The following MTAP variants were observed in gnomAD, a reference collection of about 807,000 sequenced individuals.
MTAP encodes the protein methylthioadenosine phosphorylase, also known as S-methyl-5'-thioadenosine phosphorylase.
A neutral mutation model predicts 33.6 loss-of-function variants in MTAP; 33 were observed. The observed-to-expected ratio is 0.98, with a 90% confidence interval of 0.74 to 1.31. The LOEUF (loss-of-function observed/expected upper bound fraction) is 1.31. MTAP is among the 40% of genes most tolerant of loss of function. MTAP has a pLI of 0.00. For synonymous variants in MTAP, 148 were observed against 125.7 expected, an observed-to-expected ratio of 1.18 and a Z score of -1.19; for missense variants, 367 against 360.0, an observed-to-expected ratio of 1.02 and a Z score of -0.16.
At chr9:21,906,363 T>C (rs1027020692) in intron 1 of MTAP, among the ~76,000 whole-genome samples, 3 of 152,020 alleles carry the variant, frequency 2.0e-5, no homozygotes, top group Non-Finnish European at 2.9e-5. Context: ...ATAAAAATCA[T>C]TGAAAGGGTT....
downstream of MTAP, chr9:21,931,793 T>C (rs1034116193): frequency 2.6e-5 from 4 of 152,234 alleles, no homozygotes; most frequent in African/African-American, 9.6e-5. Context: ...CTTTCATTCC[T>C]GCTCTAAAAC....
At chr9:21,936,055 G>A (rs1384363140), downstream of MTAP, 5 of 152,134 alleles carry the variant, frequency 3.3e-5, no homozygotes, top group Non-Finnish European at 7.3e-5. Flanking sequence ...TTTTATTTCC[G>A]AAGGCGACCA....
At chr9:21,938,881 CTA>C (rs577334045), downstream of MTAP, among the ~76,000 whole-genome samples, 529 of 152,230 alleles carry the variant, frequency 3.5e-3, 6 homozygotes, top group African/African-American at 0.012. Context: ...TTCCAGGACT[CTA>C]TTGGAAAAAC....
At chr9:21,848,723 T>A (rs1457260312) in intron 5 of MTAP, among the ~76,000 whole-genome samples, 1 of 152,178 alleles carries the variant, frequency 6.6e-6, no homozygotes, top group African/African-American at 2.4e-5. Flanking sequence ...AGCACTGGGA[T>A]CTTTGAAGAG....
intron 1 of MTAP, among the ~76,000 whole-genome samples, chr9:21,925,723 C>T (rs913836479): frequency 1.3e-5 from 2 of 150,692 alleles, no homozygotes; most frequent in African/African-American, 2.5e-5. Flanking sequence ...AATCCCAATT[C>T]CTGATGGCCT....
chr9:21,916,040 G>C (rs1384818141), intron 1 of MTAP, among the ~76,000 whole-genome samples: 2 of 131,966 alleles, frequency 1.5e-5, no homozygotes, highest in East Asian at 2.7e-4. Flanking sequence ...GAAAGACAGA[G>C]AGAAGGAGAG....
Position 21,865,284 on chromosome 9 carries a change from A to C in MTAP, c.*3270A>C. On this transcript the variant is annotated 3_prime_UTR_variant, in exon 8 of 8. Transcript: ENST00000644715. ...TTGCTCAACACTTCTTCCTGCCATC[A>C]TGTGAAGAAGGACGTGTTTGTTTCC... 1 of 441,548 alleles carries C rather than the reference A, an allele frequency of 2.3e-6. No individual in the cohort carries two copies. Among genetic ancestry groups the C allele is most frequent in the Non-Finnish European group, 3.0e-6 (1 of 333,108 alleles). The allele number at this position is 441,548 out of a possible 1,614,324, so 27.4% of individuals were successfully genotyped here. A position where few individuals can be genotyped will look rare whatever the true frequency, so the allele number is the denominator to read the frequency against.
At chr9:21,855,513 T>C (rs1470218610) in intron 6 of MTAP, among the ~76,000 whole-genome samples, 2 of 151,946 alleles carry the variant, frequency 1.3e-5, no homozygotes, top group Non-Finnish European at 2.9e-5. Context: ...AAGAAGGGCA[T>C]GATTGAGTAG....
chr9:21,906,053 C>G (rs977844681), intron 1 of MTAP, among the ~76,000 whole-genome samples: 1 of 152,064 alleles, frequency 6.6e-6, no homozygotes, highest in African/African-American at 2.4e-5. Flanking sequence ...CAGAAAGAAA[C>G]AAACAGAAGC....
intron 1 of MTAP, among the ~76,000 whole-genome samples, chr9:21,921,971 G>T (rs1337394572): frequency 6.6e-6 from 1 of 152,102 alleles, no homozygotes; most frequent in Admixed American, 6.6e-5. Flanking sequence ...CAACCATTAG[G>T]TGATGGTCAG....
downstream of MTAP, among the ~76,000 whole-genome samples, chr9:21,869,695 A>G (rs925343478): frequency 6.6e-6 from 1 of 152,066 alleles, no homozygotes; most frequent in Non-Finnish European, 1.5e-5. Flanking sequence ...ACCAGGAAAA[A>G]TTTATTTACC....
At position 21,864,697 on chromosome 9, in the gene MTAP, ACT is replaced by A. The variant is rs940212708; in HGVS notation, c.*2686_*2687del. ...ACCATGGCTTGTTTCAAGGAAGGAA[ACT>A]CTGGTACGGTGGCACCCTCAGGAGT... On this transcript the variant is annotated 3_prime_UTR_variant, in exon 8 of 8. Coordinates refer to ENST00000644715, the MANE Select transcript of MTAP (RefSeq NM_002451.4). 3.0e-6 allele frequency: 3 copies of A among 985,114 alleles called. No homozygotes were observed. In the African/African-American group the frequency reaches 5.3e-5, roughly 17 times the overall value. 61.0% of individuals were successfully genotyped at this position (985,114 alleles called of 1,614,324 possible).
At chr9:21,834,557 T>G (rs1408030259) in intron 4 of MTAP, among the ~76,000 whole-genome samples, 1 of 152,228 alleles carries the variant, frequency 6.6e-6, no homozygotes, top group East Asian at 1.9e-4. Context: ...TTTCCCTGCC[T>G]TTGCCACTCA....
At chr9:21,887,333 T>A (rs1289372536) in intron 1 of MTAP, among the ~76,000 whole-genome samples, 1 of 151,942 alleles carries the variant, frequency 6.6e-6, no homozygotes, top group Non-Finnish European at 1.5e-5. Context: ...CATGGTTCAA[T>A]TCCCACCTAT....
At chr9:21,830,954 A>AATGAGAT (rs71334600) in intron 4 of MTAP, among the ~76,000 whole-genome samples, 8,747 of 152,174 alleles carry the variant, frequency 0.057, 266 homozygotes, top group Middle Eastern at 0.088. Flanking sequence ...ATTGGTTTTT[A>AATGAGAT]ATGAGATTTT....
At chr9:21,839,834 A>G (rs1288830516) in intron 5 of MTAP, among the ~76,000 whole-genome samples, 1 of 152,230 alleles carries the variant, frequency 6.6e-6, no homozygotes, top group African/African-American at 2.4e-5. Flanking sequence ...GTATGTATAT[A>G]TACAAAGAAG....
chr9:21,917,361 A>G (rs1818707642), intron 1 of MTAP, among the ~76,000 whole-genome samples: 3 of 152,234 alleles, frequency 2.0e-5, no homozygotes, highest in Admixed American at 2.0e-4. Context: ...TCACTAAGGA[A>G]TGCAGAGCAG....
chr9:21,860,261 TTGTAA>T (rs1005975371), intron 7 of MTAP: 1 of 152,198 alleles, frequency 6.6e-6, no homozygotes, highest in African/African-American at 2.4e-5. Context: ...GAGCCTTGAT[TTGTAA>T]TGTTTGCTAA....
chr9:21,901,570 G>A (rs376233651), intron 1 of MTAP, among the ~76,000 whole-genome samples: 46 of 152,134 alleles, frequency 3.0e-4, no homozygotes, highest in African/African-American at 9.4e-4. Flanking sequence ...ACCTATAAAC[G>A]AGCTTTTATT....
Sources: allele counts gnomAD v4.1 joint callset (sites outside exome capture counted in the v4.1 genomes callset), GRCh38; gene constraint gnomAD v4.1.1; transcripts MANE v1.5; gene names NCBI Gene and HGNC (gene_info 2026-07-23, HGNC 2026-07-21).